GNAO1: variants seen among roughly 807,000 people sequenced by gnomAD.
GNAO1 encodes the protein G protein subunit alpha o1.
For synonymous variants in GNAO1, 164 were observed against 180.7 expected, an observed-to-expected ratio of 0.91 and a Z score of 0.74; for missense variants, 166 against 478.7, an observed-to-expected ratio of 0.35 and a Z score of 6.10.
In GNAO1 at chr16:56,191,845, C is replaced by A. The variant is rs1164505068; in HGVS notation, c.-391C>A. On this transcript the variant is annotated 5_prime_UTR_variant, in exon 1 of 9. Coordinates refer to ENST00000262493, the MANE Select transcript of GNAO1 (RefSeq NM_020988.3). The surrounding 1 kb of genome is among the most constrained non-coding windows in gnomAD (Gnocchi z 4.7). The stretch of plus-strand genomic sequence containing the variant: ...CAGCAGGACCCACCCTGCCCCCCAC[C>A]CCACCCTCTGTCGGCTCCGGCTGCG... The A allele has an allele frequency of 4.4e-6, 1 of 227,114 alleles. No individual in the cohort carries two copies. The highest frequency in any genetic ancestry group is 8.7e-6 in the Non-Finnish European group (1 of 115,050). 14.1% of individuals were successfully genotyped at this position (227,114 alleles called of 1,614,324 possible).
intron 2 of GNAO1, among the ~76,000 whole-genome samples, chr16:56,232,916 C>T (rs1325378844): frequency 6.6e-6 from 1 of 152,190 alleles, no homozygotes; most frequent in Non-Finnish European, 1.5e-5. Flanking sequence ...AGCCTATAGG[C>T]CATTTCCATT....
chr16:56,244,231 A>G (rs1474318840), intron 2 of GNAO1, among the ~76,000 whole-genome samples: 1 of 152,172 alleles, frequency 6.6e-6, no homozygotes, highest in African/African-American at 2.4e-5. Context: ...ATTCGCTCTG[A>G]GACTTCAGTT....
At chr16:56,204,195 G>T (rs1021383930) in intron 2 of GNAO1, among the ~76,000 whole-genome samples, 5 of 152,200 alleles carry the variant, frequency 3.3e-5, no homozygotes, top group Non-Finnish European at 7.3e-5. Context: ...ATGCCATCAA[G>T]TTAGGAAACA....
At chr16:56,280,833 A>AC (rs2037107393) in intron 3 of GNAO1, among the ~76,000 whole-genome samples, 1 of 152,138 alleles carries the variant, frequency 6.6e-6, no homozygotes, top group African/African-American at 2.4e-5. Flanking sequence ...CCCCTTCCAA[A>AC]CCTAAGGGGT....
chr16:56,328,896 C>A, intron 4 of GNAO1, 105 bp downstream of exon 4: 1 of 1,166,796 alleles, frequency 8.6e-7, no homozygotes, highest in Non-Finnish European at 1.2e-6. Flanking sequence ...CGGCTGAGGT[C>A]ACGCCTGCCG....
At chr16:56,203,896 G>A (rs2036302670) in intron 2 of GNAO1, among the ~76,000 whole-genome samples, 1 of 152,196 alleles carries the variant, frequency 6.6e-6, no homozygotes, top group Non-Finnish European at 1.5e-5. Context: ...TGACTGGAAA[G>A]GAAGAGTAGG....
intron 6 of GNAO1, chr16:56,345,425 GC>G: frequency 1.0e-6 from 1 of 985,788 alleles, no homozygotes. Flanking sequence ...TCCACTTGCA[GC>G]CCCCGGACTG....
chr16:56,235,224 A>G, intron 2 of GNAO1: 1 of 434,420 alleles, frequency 2.3e-6, no homozygotes, highest in Non-Finnish European at 4.6e-6. Context: ...CCTCAAAGAG[A>G]TTGCAGGACT....
At chr16:56,347,895 C>G in intron 6 of GNAO1, 1 of 959,952 alleles carries the variant, frequency 1.0e-6, no homozygotes, top group Non-Finnish European at 1.2e-6. Context: ...GACCCATCCC[C>G]TGGCTCTGCC....
intron 6 of GNAO1, chr16:56,345,191 A>G (rs1596878550): frequency 9.1e-6 from 9 of 985,694 alleles, no homozygotes; most frequent in Non-Finnish European, 9.6e-6. Context: ...TGGGCAACCA[A>G]CACACCTCTC....
intron 6 of GNAO1, chr16:56,348,289 C>A: frequency 3.3e-6 from 2 of 606,968 alleles, no homozygotes; most frequent in Non-Finnish European, 4.1e-6. Flanking sequence ...CCATCCTGGT[C>A]CCAGGACTGC....
At chr16:56,251,934 C>T (rs1419935996) in intron 2 of GNAO1, among the ~76,000 whole-genome samples, 1 of 152,146 alleles carries the variant, frequency 6.6e-6, no homozygotes, top group Admixed American at 6.5e-5. Context: ...TTTTCTGGGG[C>T]CCAGACAGAA....
At chr16:56,308,958 G>A (rs1395386347) in intron 3 of GNAO1, among the ~76,000 whole-genome samples, 2 of 152,124 alleles carry the variant, frequency 1.3e-5, no homozygotes, top group African/African-American at 4.8e-5. Context: ...TGGGGTGAAG[G>A]GTACAGACTT....
At chr16:56,263,853 A>C (rs979675737) in intron 2 of GNAO1, among the ~76,000 whole-genome samples, 10 of 152,234 alleles carry the variant, frequency 6.6e-5, no homozygotes, top group African/African-American at 2.2e-4. Flanking sequence ...CAATATACAT[A>C]GAAAATGAGT....
chr16:56,200,306 A>G (rs2036271417), intron 2 of GNAO1, among the ~76,000 whole-genome samples: 1 of 152,188 alleles, frequency 6.6e-6, no homozygotes, highest in South Asian at 2.1e-4. Context: ...GCCTGGCACA[A>G]AGGAGGTCTT....
At chr16:56,259,071 A>G (rs1256684558) in intron 2 of GNAO1, among the ~76,000 whole-genome samples, 2 of 152,188 alleles carry the variant, frequency 1.3e-5, no homozygotes. Flanking sequence ...ACATTTTGTG[A>G]TCAGTGGGCG....
rs1176263738 is a variant in GNAO1 at position 56,300,030 on chromosome 16, TGTGTGTGCGC to T, written c.303+23960_303+23969del. ...GTTCGTGTGTGTGTGTGTGTGTGTG[TGTGTGTGCGC>T]GCGCGCGCGCGCACGCACATGTGCT... is the stretch of plus-strand genomic sequence containing the variant. On this transcript the variant is annotated intron_variant, in intron 3 of 8. Coordinates refer to ENST00000262493, the MANE Select transcript of GNAO1 (RefSeq NM_020988.3). Among the ~76,000 whole-genome samples the T allele has an allele frequency of 7.9e-4, 105 of 132,902 alleles. 1 individual carries two copies. The highest frequency in any genetic ancestry group is 1.4e-3 in the African/African-American group (45 of 32,538). The allele number at this position is 132,902 out of a possible 152,430, so 87.2% of individuals were successfully genotyped here. A position where few individuals can be genotyped will look rare whatever the true frequency, so the allele number is the denominator to read the frequency against.
chr16:56,213,711 G>T (rs1197214602), intron 2 of GNAO1, among the ~76,000 whole-genome samples: 3 of 152,118 alleles, frequency 2.0e-5, no homozygotes, highest in African/African-American at 7.2e-5. Context: ...GGAGGTGAAG[G>T]AGCCAGCCAT....
chr16:56,268,747 T>C (rs745306686), intron 2 of GNAO1, among the ~76,000 whole-genome samples: 1 of 152,124 alleles, frequency 6.6e-6, no homozygotes, highest in Non-Finnish European at 1.5e-5. Flanking sequence ...CCCTACCTCC[T>C]GCCCCCACCC....
Sources: allele counts gnomAD v4.1 joint callset (sites outside exome capture counted in the v4.1 genomes callset), GRCh38; gene constraint gnomAD v4.1.1; non-coding constraint Gnocchi (gnomAD v3.1); transcripts MANE v1.5; gene names NCBI Gene and HGNC (gene_info 2026-07-23, HGNC 2026-07-21).